Variants in C22orf31 observed in about 807,000 individuals in gnomAD.
C22orf31 encodes the protein chromosome 22 open reading frame 31.
C22orf31 carries 11 observed loss-of-function variants against 15.0 expected under a neutral mutation model. That is an observed-to-expected ratio of 0.73 (90% CI 0.46 to 1.21). C22orf31 has a LOEUF of 1.21. C22orf31 is among the 50% of genes most tolerant of loss of function. C22orf31 has a pLI of 0.00. For synonymous variants in C22orf31, 132 were observed against 133.3 expected, an observed-to-expected ratio of 0.99 and a Z score of 0.07; for missense variants, 340 against 347.2, an observed-to-expected ratio of 0.98 and a Z score of 0.17.
chr22:29,073,194 C>A, the C22orf31 span: 4 of 1,192,498 alleles, frequency 3.4e-6, no homozygotes. This position sits in a 1 kb window ranked among gnomAD's most constrained non-coding sequence, Gnocchi z 4.4. Context: ...GGCGGCCCGG[C>A]CCGCGCCTAG....
chr22:29,066,539 C>CTTTTTTCT (rs2037431306), upstream of C22orf31, among the ~76,000 whole-genome samples: 1 of 70,208 alleles, frequency 1.4e-5, no homozygotes, highest in Non-Finnish European at 2.6e-5. Flanking sequence ...CTTTTCTTTT[C>CTTTTTTCT]TTTTTTTTTT....
At chr22:29,061,700 C>G in intron 1 of C22orf31, 90 bp downstream of exon 1, 2 of 1,008,248 alleles carry the variant, frequency 2.0e-6, no homozygotes, top group Non-Finnish European at 3.0e-6. Context: ...CAACTAAGAG[C>G]AACAGAACAA....
chr22:29,068,878 C>A, the C22orf31 span, among the ~76,000 whole-genome samples: 1 of 151,330 alleles, frequency 6.6e-6, no homozygotes, highest in Non-Finnish European at 1.5e-5. Flanking sequence ...CATTCTCCTG[C>A]CTCAGTCTCC....
At chr22:29,060,312 C>A (rs547213010) in intron 2 of C22orf31, 103 bp downstream of exon 2, 7 of 1,103,812 alleles carry the variant, frequency 6.3e-6, no homozygotes, top group Non-Finnish European at 7.9e-6. Context: ...AGATTATAGG[C>A]GGTAGCCGCA....
the C22orf31 span, among the ~76,000 whole-genome samples, chr22:29,069,896 C>T: frequency 3.3e-5 from 5 of 151,998 alleles, no homozygotes; most frequent in Admixed American, 6.6e-5. Flanking sequence ...GGAAGGGCCC[C>T]ACACATGCTT....
intron 1 of C22orf31, among the ~76,000 whole-genome samples, chr22:29,061,544 G>C (rs2037391978): frequency 6.6e-6 from 1 of 152,170 alleles, no homozygotes; most frequent in Non-Finnish European, 1.5e-5. Context: ...GGGATTACCA[G>C]CATGAGCCAC....
chr22:29,070,730 G>A, the C22orf31 span, among the ~76,000 whole-genome samples: 1 of 152,180 alleles, frequency 6.6e-6, no homozygotes, highest in African/African-American at 2.4e-5. Context: ...CTGCACTCCA[G>A]TGTGGGCGAC....
At position 29,060,525 on chromosome 22, in the gene C22orf31, T is replaced by C; in HGVS notation, c.322A>G (p.Lys108Glu). 6.2e-7 allele frequency: 1 copy of C among 1,614,158 alleles called. No homozygotes were observed. Among genetic ancestry groups the C allele is most frequent in the Non-Finnish European group, 8.5e-7 (1 of 1,180,026 alleles). ...GTGGCTTTCATCACTGAATCGTCCTTGTGCTTTAATCTCTTCGAGAGTTTT... is the reference window on the plus strand; with the variant it reads ...GTGGCTTTCATCACTGAATCGTCCTCGTGCTTTAATCTCTTCGAGAGTTTT... ...EGKLSKRLKH[K>E]DDSVMKATQQ... Residue 108 changes from lysine (K) to glutamate (E), a missense_variant, in exon 2 of 3, where the codon AAG (lysine) becomes GAG (glutamate). By Grantham distance (56) the Lys-to-Glu change is moderately conservative. Coordinates refer to ENST00000216071, the MANE Select transcript of C22orf31 (RefSeq NM_015370.2).
At chr22:29,069,199 C>T in the C22orf31 span, among the ~76,000 whole-genome samples, 1 of 152,108 alleles carries the variant, frequency 6.6e-6, no homozygotes, top group Non-Finnish European at 1.5e-5. Context: ...AAGAATGCCT[C>T]CCTCATAAGG....
intron 2 of C22orf31, chr22:29,059,615 G>A (rs1019806093): frequency 2.0e-5 from 17 of 861,668 alleles, no homozygotes; most frequent in African/African-American, 5.5e-5. Context: ...GCCCGAGGTC[G>A]TCCTCAATTA....
At chr22:29,066,098 G>T (rs2037427719), upstream of C22orf31, among the ~76,000 whole-genome samples, 1 of 150,270 alleles carries the variant, frequency 6.7e-6, no homozygotes, top group Non-Finnish European at 1.5e-5. Context: ...CTTCTTTTTA[G>T]CTTCTCTTAG....
upstream of C22orf31, among the ~76,000 whole-genome samples, chr22:29,063,354 T>C (rs920799015): frequency 2.6e-5 from 4 of 152,078 alleles, no homozygotes; most frequent in African/African-American, 9.7e-5. Flanking sequence ...TTAGTAGAGA[T>C]GAGTTTTCAC....
chr22:29,063,856 A>G (rs1388896671), upstream of C22orf31, among the ~76,000 whole-genome samples: 3 of 152,068 alleles, frequency 2.0e-5, no homozygotes, highest in Non-Finnish European at 4.4e-5. Flanking sequence ...ACCAAAGTCT[A>G]TACTGCCCTT....
At chr22:29,060,322 ACGC>A in intron 2 of C22orf31, 90 bp downstream of exon 2, 1 of 1,190,724 alleles carries the variant, frequency 8.4e-7, no homozygotes, top group Non-Finnish European at 1.2e-6. Flanking sequence ...CGGTAGCCGC[ACGC>A]CATATAATCT....
chr22:29,060,361 A>G, intron 2 of C22orf31, 54 bp downstream of exon 2: 2 of 1,487,160 alleles, frequency 1.3e-6, no homozygotes, highest in South Asian at 1.2e-5. Context: ...CTCTGGCTTT[A>G]CCTTTTCCCT....
At chr22:29,069,336 T>C in the C22orf31 span, among the ~76,000 whole-genome samples, 4 of 152,174 alleles carry the variant, frequency 2.6e-5, no homozygotes, top group Non-Finnish European at 5.9e-5. Flanking sequence ...TTCCATAAAA[T>C]GACTGCCCTT....
chr22:29,068,637 C>T, the C22orf31 span, among the ~76,000 whole-genome samples: 3 of 151,786 alleles, frequency 2.0e-5, no homozygotes, highest in Non-Finnish European at 4.4e-5. Flanking sequence ...GTCTCGATCT[C>T]CTGACCTCAT....
chr22:29,066,236 T>C (rs2037428712), upstream of C22orf31, among the ~76,000 whole-genome samples: 1 of 152,208 alleles, frequency 6.6e-6, no homozygotes. Context: ...TTGCTTTTAA[T>C]TTCCTCAGAT....
chr22:29,066,853 G>A, the C22orf31 span, among the ~76,000 whole-genome samples: 5 of 151,988 alleles, frequency 3.3e-5, no homozygotes, highest in East Asian at 1.9e-4. Flanking sequence ...GAGCCACCGC[G>A]CCCAGCCAAC....
Sources: allele counts gnomAD v4.1 joint callset (sites outside exome capture counted in the v4.1 genomes callset), GRCh38; gene constraint gnomAD v4.1.1; non-coding constraint Gnocchi (gnomAD v3.1); transcripts MANE v1.5; gene names NCBI Gene and HGNC (gene_info 2026-07-23, HGNC 2026-07-21).